The following FRAS1 variants were observed in gnomAD, a reference collection of about 807,000 sequenced individuals.
FRAS1 encodes Fraser extracellular matrix complex subunit 1.
FRAS1 carries 290 observed loss-of-function variants against 435.2 expected under a neutral mutation model. The observed-to-expected ratio is 0.67, with a 90% CI of 0.61 to 0.73. FRAS1 has a LOEUF of 0.73. Among genes scored for constraint, FRAS1 ranks in the 30% least tolerant of loss-of-function variants. The pLI is 0.00. For synonymous variants in FRAS1, 1,800 were observed against 1,851.0 expected (o/e 0.97, Z 0.71); for missense variants, 4,860 against 5,001.5 (o/e 0.97, Z 0.85).
rs562044108 is a variant in FRAS1 at position 78,266,968 on chromosome 4, C to T, written c.789+33C>T. ...AGAGTGTGTACCTTACTTGTTTAAG[C>T]TCTTTTCTGGGTCATTTAAGGAATG... On this transcript the variant is annotated intron_variant, in intron 8 of 73. Transcript: ENST00000512123. 1.2e-5 allele frequency: 18 copies of T among 1,444,814 alleles called. No homozygotes were observed. The East Asian group carries it at 4.3e-4, about 34-fold the overall frequency. The allele number at this position is 1,444,814 out of a possible 1,614,324, so 89.5% of individuals were successfully genotyped here. A position where few individuals can be genotyped will look rare whatever the true frequency, so the allele number is the denominator to read the frequency against.
At chr4:78,120,387 G>A (rs1718940434) in intron 2 of FRAS1, among the ~76,000 whole-genome samples, 1 of 152,142 alleles carries the variant, frequency 6.6e-6, no homozygotes, top group Non-Finnish European at 1.5e-5. Context: ...CCAAGAAATA[G>A]CATGTATTCT....
At chr4:78,424,251 G>C in intron 34 of FRAS1, 137 bp from the exon 35 acceptor site, 1 of 456,974 alleles carries the variant, frequency 2.2e-6, no homozygotes, top group East Asian at 3.6e-5. Context: ...ATGACCTGGT[G>C]ATCTTTCCTT....
chr4:78,254,803 G>T (rs1017651), intron 5 of FRAS1, among the ~76,000 whole-genome samples: 139,096 of 152,136 alleles, frequency 0.91, 64,718 homozygotes, highest in Non-Finnish European at 1. Context: ...GTCATATTTG[G>T]CATGTTTTTT....
intron 20 of FRAS1, among the ~76,000 whole-genome samples, chr4:78,359,372 C>T (rs983559206): frequency 1.3e-5 from 2 of 152,172 alleles, no homozygotes; most frequent in African/African-American, 2.4e-5. Context: ...GATCGTTACT[C>T]ATTTTGAGGT....
intron 1 of FRAS1, among the ~76,000 whole-genome samples, chr4:78,064,553 G>A (rs1245557436): frequency 6.6e-6 from 1 of 151,476 alleles, no homozygotes; most frequent in Non-Finnish European, 1.5e-5. Context: ...TAGCTAATGT[G>A]ATGCCTTCAT....
intron 29 of FRAS1, among the ~76,000 whole-genome samples, chr4:78,395,090 G>GGTTTTCTACATAT (rs1284976467): frequency 6.6e-6 from 1 of 151,854 alleles, no homozygotes; most frequent in African/African-American, 2.4e-5. Flanking sequence ...TCTTTTGGTG[G>GGTTTTCTACATAT]AATCTTTAGG....
chr4:78,338,393 A>G (rs962804651), intron 20 of FRAS1, among the ~76,000 whole-genome samples: 1 of 152,164 alleles, frequency 6.6e-6, no homozygotes, highest in Non-Finnish European at 1.5e-5. Context: ...CAGACAACAA[A>G]TGTGCATTTT....
intron 2 of FRAS1, among the ~76,000 whole-genome samples, chr4:78,172,841 G>A (rs983261765): frequency 1.3e-5 from 2 of 151,628 alleles, no homozygotes; most frequent in Non-Finnish European, 1.5e-5. Context: ...GTTCTTGATT[G>A]AAGAGCTCTT....
intron 41 of FRAS1, among the ~76,000 whole-genome samples, chr4:78,444,662 C>T (rs1718733497): frequency 6.6e-6 from 1 of 152,098 alleles, no homozygotes; most frequent in Non-Finnish European, 1.5e-5. Flanking sequence ...CAGTTAGACT[C>T]AAATTAAAAT....
intron 2 of FRAS1, among the ~76,000 whole-genome samples, chr4:78,072,947 G>C (rs9307332): frequency 0.6 from 91,775 of 151,816 alleles, 28,607 homozygotes; most frequent in Middle Eastern, 0.71. Flanking sequence ...TTCTGATTTG[G>C]GTTCTCACCT....
chr4:78,081,461 AAGCAATGATTGT>A (rs1740891579), intron 2 of FRAS1, among the ~76,000 whole-genome samples: 1 of 152,140 alleles, frequency 6.6e-6, no homozygotes, highest in African/African-American at 2.4e-5. Flanking sequence ...TGCCCAAAGA[AAGCAATGATTGT>A]AGGTAGTTCT....
intron 69 of FRAS1, among the ~76,000 whole-genome samples, chr4:78,524,384 A>T (rs1489564768): frequency 6.6e-6 from 1 of 152,198 alleles, no homozygotes; most frequent in Non-Finnish European, 1.5e-5. Flanking sequence ...TAATATCAAG[A>T]CCGTAGTTGT....
chr4:78,452,818 T>A (rs1719066129), intron 47 of FRAS1, among the ~76,000 whole-genome samples: 2 of 152,194 alleles, frequency 1.3e-5, no homozygotes, highest in South Asian at 4.1e-4. Flanking sequence ...AGTTCTCTAT[T>A]GGGTAAAATA....
At chr4:78,085,634 T>A (rs1741109217) in intron 2 of FRAS1, among the ~76,000 whole-genome samples, 1 of 152,126 alleles carries the variant, frequency 6.6e-6, no homozygotes, top group Non-Finnish European at 1.5e-5. Flanking sequence ...CAAGAATTGT[T>A]GATCCAGTGG....
chr4:78,223,873 A>G (rs1271380031), intron 2 of FRAS1, among the ~76,000 whole-genome samples: 1 of 152,314 alleles, frequency 6.6e-6, no homozygotes, highest in Middle Eastern at 3.4e-3. Flanking sequence ...AGCAATTCTT[A>G]TACACTTCCT....
At chr4:78,259,761 T>A (rs1169855456) in intron 6 of FRAS1, among the ~76,000 whole-genome samples, 1 of 147,486 alleles carries the variant, frequency 6.8e-6, no homozygotes, top group Non-Finnish European at 1.5e-5. Context: ...CTTTTAGTGT[T>A]TTAGACATGA....
intron 2 of FRAS1, among the ~76,000 whole-genome samples, chr4:78,156,251 A>G (rs972137634): frequency 2.0e-5 from 3 of 152,220 alleles, no homozygotes; most frequent in African/African-American, 7.2e-5. Flanking sequence ...TGAGCTTAGC[A>G]CATGTAGAAC....
intron 37 of FRAS1, 86 bp downstream of exon 37, chr4:78,430,503 G>A: frequency 7.2e-7 from 1 of 1,385,496 alleles, no homozygotes; most frequent in Non-Finnish European, 9.8e-7. Flanking sequence ...TCAGACGAGA[G>A]CAAAGCGTCT....
At chr4:78,398,685 T>C (rs552265113) in intron 29 of FRAS1, among the ~76,000 whole-genome samples, 5 of 152,190 alleles carry the variant, frequency 3.3e-5, no homozygotes, top group Non-Finnish European at 5.9e-5. Flanking sequence ...GAAAGATTTC[T>C]AACAGTTAAG....
Sources: allele counts gnomAD v4.1 joint callset (sites outside exome capture counted in the v4.1 genomes callset), GRCh38; gene constraint gnomAD v4.1.1; transcripts MANE v1.5; gene names NCBI Gene and HGNC (gene_info 2026-07-23, HGNC 2026-07-21).